The following ARHGAP42 variants were observed in gnomAD, a reference collection of about 807,000 sequenced individuals.
ARHGAP42 encodes the protein Rho GTPase activating protein 42, also known as rho GTPase-activating protein 42.
Under a neutral mutation model 125.0 loss-of-function variants are expected in ARHGAP42, and 63 were observed. That is an observed-to-expected ratio of 0.50 (90% CI 0.41 to 0.62). ARHGAP42 has a LOEUF of 0.62. Among genes scored for constraint, ARHGAP42 ranks in the 20% least tolerant of loss-of-function variants. The pLI is 0.00. For synonymous variants in ARHGAP42, 339 were observed against 351.0 expected (o/e 0.97, Z 0.38); for missense variants, 766 against 1,024.2 (o/e 0.75, Z 3.44).
At chr11:100,709,681 T>C (rs1422306033) in intron 1 of ARHGAP42, among the ~76,000 whole-genome samples, 1 of 152,242 alleles carries the variant, frequency 6.6e-6, no homozygotes, top group African/African-American at 2.4e-5. Flanking sequence ...TATTTTTTAT[T>C]ACTAGCATAT....
intron 3 of ARHGAP42, among the ~76,000 whole-genome samples, chr11:100,826,414 T>C (rs1362739602): frequency 6.6e-6 from 1 of 152,212 alleles, no homozygotes; most frequent in East Asian, 1.9e-4. Flanking sequence ...CTTAATATTA[T>C]CTTAGGGACA....
intron 1 of ARHGAP42, among the ~76,000 whole-genome samples, chr11:100,742,875 A>G (rs925094195): frequency 2.6e-5 from 4 of 152,152 alleles, no homozygotes; most frequent in African/African-American, 9.7e-5. Context: ...TATTTGATAT[A>G]AGAATAGCTA....
chr11:100,901,107 A>G (rs1314366393), intron 4 of ARHGAP42, among the ~76,000 whole-genome samples: 2 of 151,924 alleles, frequency 1.3e-5, no homozygotes, highest in African/African-American at 4.8e-5. Flanking sequence ...TGTTGATGCT[A>G]TTCCTTTCTA....
chr11:100,706,137 G>A (rs11224400), intron 1 of ARHGAP42, among the ~76,000 whole-genome samples: 2 of 151,938 alleles, frequency 1.3e-5, no homozygotes, highest in South Asian at 2.1e-4. Context: ...GTGCCACCAC[G>A]CCCAGAGTTA....
chr11:100,791,290 TG>T (rs1863563034), intron 2 of ARHGAP42, among the ~76,000 whole-genome samples: 1 of 152,186 alleles, frequency 6.6e-6, no homozygotes, highest in African/African-American at 2.4e-5. Flanking sequence ...GGGAAGTGAC[TG>T]GAGATCCCCA....
At chr11:100,975,459 G>A (rs1858365572) in intron 19 of ARHGAP42, among the ~76,000 whole-genome samples, 1 of 151,970 alleles carries the variant, frequency 6.6e-6, no homozygotes, top group South Asian at 2.1e-4. Context: ...AGGAACATTA[G>A]GAAATAAAAC....
Position 100,992,565 on chromosome 11 carries a change from T to G in ARHGAP42, c.*3764T>G. ...CTCCTGTTGATTCGCAGATGTAATA[T>G]CGAGTATTCATCAACTGGTCTCAAT... On this transcript the variant is annotated 3_prime_UTR_variant, in exon 24 of 24. Transcript: ENST00000298815. 2 of 1,614,100 alleles carry G rather than the reference T, an allele frequency of 1.2e-6. No individual in the cohort carries two copies. The highest frequency in any genetic ancestry group is 1.7e-6 in the Non-Finnish European group (2 of 1,179,974).
intron 22 of ARHGAP42, among the ~76,000 whole-genome samples, chr11:100,983,910 G>T (rs75139341): frequency 2.0e-5 from 3 of 152,184 alleles, no homozygotes; most frequent in Admixed American, 6.5e-5. Flanking sequence ...AGGCCAAGGC[G>T]AGTGGACCGC....
intron 6 of ARHGAP42, 106 bp downstream of exon 6, chr11:100,921,710 T>C (rs1266582044): frequency 1.4e-6 from 1 of 726,708 alleles, no homozygotes; most frequent in Non-Finnish European, 2.1e-6. Flanking sequence ...TTATGATTGA[T>C]AAAAATAAAA....
intron 13 of ARHGAP42, 104 bp from the exon 14 acceptor site, chr11:100,960,811 T>C (rs1277089577): frequency 3.3e-6 from 2 of 610,376 alleles, no homozygotes; most frequent in African/African-American, 3.8e-5. Context: ...TGAAATTGGA[T>C]AAGTAGCTTT....
chr11:100,955,611 G>A (rs1004587777), intron 12 of ARHGAP42, among the ~76,000 whole-genome samples: 1 of 152,060 alleles, frequency 6.6e-6, no homozygotes, highest in Non-Finnish European at 1.5e-5. Flanking sequence ...GCCAAGCATT[G>A]AGCCCAAATC....
At chr11:100,965,545 C>G (rs767942258) in intron 16 of ARHGAP42, 126 bp from the exon 17 acceptor site, 57 of 787,972 alleles carry the variant, frequency 7.2e-5, no homozygotes, top group Non-Finnish European at 1.2e-4. Context: ...AATGACAGTA[C>G]TACATGAAGC....
intron 1 of ARHGAP42, among the ~76,000 whole-genome samples, chr11:100,748,140 G>T (rs933222759): frequency 1.3e-5 from 2 of 152,124 alleles, no homozygotes; most frequent in African/African-American, 2.4e-5. Context: ...TGAAAACCTT[G>T]TAAGTTTGGG....
At chr11:100,782,166 T>G (rs573302059) in intron 2 of ARHGAP42, among the ~76,000 whole-genome samples, 2 of 152,334 alleles carry the variant, frequency 1.3e-5, no homozygotes, top group East Asian at 3.9e-4. Flanking sequence ...GACTTTGCTA[T>G]GTAGTCTGGA....
chr11:100,724,291 A>G (rs1263375087), intron 1 of ARHGAP42, among the ~76,000 whole-genome samples: 1 of 151,836 alleles, frequency 6.6e-6, no homozygotes, highest in Non-Finnish European at 1.5e-5. Context: ...CTTTTTTGTC[A>G]TGTCTTTATC....
At chr11:100,841,688 A>G (rs989380851) in intron 3 of ARHGAP42, among the ~76,000 whole-genome samples, 1 of 152,038 alleles carries the variant, frequency 6.6e-6, no homozygotes, top group African/African-American at 2.4e-5. Flanking sequence ...CATTTCATCA[A>G]TATGTCTTAC....
intron 21 of ARHGAP42, among the ~76,000 whole-genome samples, chr11:100,977,529 T>C (rs1175591992): frequency 6.6e-6 from 1 of 152,170 alleles, no homozygotes; most frequent in African/African-American, 2.4e-5. Context: ...GAAGGGTACA[T>C]AGACATGAGT....
chr11:100,941,618 C>T (rs200971462), intron 8 of ARHGAP42, among the ~76,000 whole-genome samples, 166 bp from the exon 9 acceptor site: 3 of 2,476 alleles, frequency 1.2e-3, no homozygotes, highest in African/African-American at 5.6e-3. Flanking sequence ...AGACACTCTA[C>T]CCTATACCGC....
chr11:100,902,498 A>C (rs1866580110), intron 4 of ARHGAP42, among the ~76,000 whole-genome samples: 1 of 152,222 alleles, frequency 6.6e-6, no homozygotes, highest in African/African-American at 2.4e-5. Flanking sequence ...TCTTATCATA[A>C]AATCACAGAG....
Sources: allele counts gnomAD v4.1 joint callset (sites outside exome capture counted in the v4.1 genomes callset), GRCh38; gene constraint gnomAD v4.1.1; transcripts MANE v1.5; gene names NCBI Gene and HGNC (gene_info 2026-07-23, HGNC 2026-07-21).